The following RALYL variants were observed in gnomAD, a reference collection of about 807,000 sequenced individuals.
RALYL encodes the protein RNA-binding Raly-like protein.
RALYL carries 29 observed loss-of-function variants against 35.1 expected under a neutral mutation model. The observed-to-expected ratio is 0.83, with a 90% CI of 0.61 to 1.13. The LOEUF (loss-of-function observed/expected upper bound fraction) is 1.13, where lower values mean the gene tolerates loss of function less well. Ranked by LOEUF, RALYL falls within the 50% of genes most tolerant of loss-of-function variation. The pLI, the probability that RALYL is intolerant of heterozygous loss-of-function variation, is 0.00. For synonymous variants in RALYL, 120 were observed against 127.6 expected, an observed-to-expected ratio of 0.94 and a Z score of 0.40; for missense variants, 359 against 360.4, an observed-to-expected ratio of 1.00 and a Z score of 0.03.
At chr8:84,263,585 A>G (rs767389144) in intron 1 of RALYL, among the ~76,000 whole-genome samples, 2 of 152,196 alleles carry the variant, frequency 1.3e-5, no homozygotes, top group South Asian at 4.1e-4. Flanking sequence ...TTGAAGACGG[A>G]TTTTTTATTT....
chr8:84,731,579 T>C (rs1442717922), intron 2 of RALYL, among the ~76,000 whole-genome samples: 1 of 152,174 alleles, frequency 6.6e-6, no homozygotes, highest in Admixed American at 6.6e-5. Flanking sequence ...CTTTCACTGC[T>C]ACCTTGCTAT....
chr8:84,310,785 C>T (rs572830497), intron 1 of RALYL, among the ~76,000 whole-genome samples: 17 of 137,954 alleles, frequency 1.2e-4, no homozygotes, highest in South Asian at 1.1e-3. Context: ...CGGTGGCTCA[C>T]GCCTGTAATC....
At chr8:84,688,583 A>T (rs559590300) in intron 2 of RALYL, among the ~76,000 whole-genome samples, 98 of 152,268 alleles carry the variant, frequency 6.4e-4, no homozygotes, top group Non-Finnish European at 1.1e-3. Flanking sequence ...CTCAAAATTG[A>T]TTAAAGATTT....
chr8:84,439,254 A>G (rs1180894224), intron 1 of RALYL, among the ~76,000 whole-genome samples: 1 of 151,942 alleles, frequency 6.6e-6, no homozygotes, highest in Non-Finnish European at 1.5e-5. Context: ...GTCATCTATG[A>G]TTTCTTGTCA....
chr8:84,301,642 G>C (rs769005709), intron 1 of RALYL, among the ~76,000 whole-genome samples: 1 of 151,932 alleles, frequency 6.6e-6, no homozygotes, highest in African/African-American at 2.4e-5. Flanking sequence ...AAACTCTTTT[G>C]CTCTAAATTG....
intron 3 of RALYL, among the ~76,000 whole-genome samples, chr8:84,795,932 A>G (rs892201087): frequency 3.9e-5 from 6 of 151,978 alleles, no homozygotes; most frequent in African/African-American, 1.5e-4. Context: ...TTTGCCACCA[A>G]TTTTTCAATG....
intron 4 of RALYL, among the ~76,000 whole-genome samples, chr8:84,821,506 A>G (rs1485118629): frequency 6.6e-6 from 1 of 152,190 alleles, no homozygotes; most frequent in African/African-American, 2.4e-5. Flanking sequence ...ATGTATGTAA[A>G]AAGTTATTTA....
At chr8:84,303,440 T>C (rs2132402971) in intron 1 of RALYL, among the ~76,000 whole-genome samples, 1 of 152,318 alleles carries the variant, frequency 6.6e-6, no homozygotes, top group Middle Eastern at 3.4e-3. Context: ...CCTTCCCCTG[T>C]AATTGCTGAC....
At chr8:84,720,578 G>T (rs890351395) in intron 2 of RALYL, among the ~76,000 whole-genome samples, 2 of 152,078 alleles carry the variant, frequency 1.3e-5, no homozygotes, top group African/African-American at 4.8e-5. Context: ...CATTGGTCTG[G>T]GCAAAGATTT....
intron 1 of RALYL, among the ~76,000 whole-genome samples, chr8:84,210,236 ATATG>A (rs1819143934): frequency 6.6e-6 from 1 of 152,074 alleles, no homozygotes; most frequent in African/African-American, 2.4e-5. Context: ...GTGTATATAT[ATATG>A]TATATTCTTA....
chr8:84,393,646 T>C (rs1028318957), intron 1 of RALYL, among the ~76,000 whole-genome samples: 6 of 152,056 alleles, frequency 3.9e-5, no homozygotes, highest in African/African-American at 1.4e-4. Flanking sequence ...CATCAAGAAG[T>C]CATCCAGCAA....
intron 2 of RALYL, among the ~76,000 whole-genome samples, chr8:84,713,238 A>G (rs943262788): frequency 5.3e-5 from 8 of 151,990 alleles, no homozygotes; most frequent in African/African-American, 1.9e-4. Flanking sequence ...TGTTCTTGGC[A>G]CTTTGGTAGA....
intron 1 of RALYL, among the ~76,000 whole-genome samples, chr8:84,400,075 C>T (rs147827189): frequency 7.2e-5 from 11 of 152,116 alleles, no homozygotes; most frequent in Non-Finnish European, 1.3e-4. Flanking sequence ...AAGATCGTGC[C>T]ACTGCACTTC....
rs1485347452 is a variant in RALYL, at chr8:84,424,094, C to G, written c.-23-105205C>G. Among the ~76,000 whole-genome samples the G allele has an allele frequency of 1.1e-4, 16 of 151,946 alleles. 2 individuals are homozygous for G. The South Asian group carries it at 3.1e-3, about 30-fold the overall frequency. On this transcript the variant is annotated intron_variant, in intron 1 of 8. Transcript: ENST00000521268. ...TCTATTTCCTGAATCTGAACATTGG[C>G]CTGCCTTGCTAGATTGGGGAAGTTC...
chr8:84,249,148 C>A (rs1829704761), intron 1 of RALYL, among the ~76,000 whole-genome samples: 1 of 151,484 alleles, frequency 6.6e-6, no homozygotes, highest in South Asian at 2.1e-4. Flanking sequence ...TTGAAAAATA[C>A]AAAGGAGATG....
intron 5 of RALYL, among the ~76,000 whole-genome samples, 161 bp downstream of exon 5, chr8:84,850,188 T>C (rs1835547104): frequency 6.6e-6 from 1 of 152,168 alleles, no homozygotes; most frequent in Admixed American, 6.5e-5. Flanking sequence ...ATTTTTATAT[T>C]TTCATTATAC....
At chr8:84,770,941 G>T (rs1000001762) in intron 2 of RALYL, among the ~76,000 whole-genome samples, 1 of 151,976 alleles carries the variant, frequency 6.6e-6, no homozygotes, top group Non-Finnish European at 1.5e-5. Context: ...GTAGATTCTC[G>T]ATTTTAGTCC....
At position 84,417,167 on chromosome 8, in the gene RALYL, A is replaced by C. The variant is rs190013892; in HGVS notation, c.-23-112132A>C. Among the ~76,000 whole-genome samples the C allele has an allele frequency of 3.8e-3, 584 of 152,054 alleles. 3 individuals carry two copies. Among genetic ancestry groups the C allele is most frequent in the African/African-American group, 0.014 (566 of 41,516 alleles). On this transcript the variant is annotated intron_variant, in intron 1 of 8. Coordinates refer to ENST00000521268, the MANE Select transcript of RALYL (RefSeq NM_173848.7). ...ATTTGAGGGGGTGCTTTGAGAGGGC[A>C]TGAGAGCAGCTATAATATGTGCTCT...
intron 1 of RALYL, among the ~76,000 whole-genome samples, chr8:84,383,241 C>T (rs1858396131): frequency 6.6e-6 from 1 of 151,784 alleles, no homozygotes; most frequent in Non-Finnish European, 1.5e-5. Context: ...CAGTGTAAAA[C>T]ATTGTCCTAT....
Sources: gnomAD v4.1 joint callset for allele counts (sites outside exome capture counted in the v4.1 genomes callset) on GRCh38, gnomAD v4.1.1 for gene constraint, MANE v1.5 for transcripts, NCBI Gene and HGNC (gene_info 2026-07-23, HGNC 2026-07-21) for gene names.